Variants in SNX29 observed in about 807,000 individuals in gnomAD.
The protein encoded by SNX29 is sorting nexin-29.
A neutral mutation model predicts 102.1 loss-of-function variants in SNX29; 78 were observed. That is an observed-to-expected ratio of 0.76 (90% CI 0.64 to 0.92). SNX29 has a LOEUF of 0.92. Among genes scored for constraint, SNX29 ranks in the 40% least tolerant of loss-of-function variants. The probability of loss-of-function intolerance (pLI) is 0.00; values close to 1 mark genes in which losing one functional copy is unlikely to be tolerated. For missense variants in SNX29, 1,280 were observed against 1,061.7 expected (o/e 1.21, Z -2.86); for synonymous variants, 580 against 414.5 (o/e 1.40, Z -4.85).
intron 14 of SNX29, among the ~76,000 whole-genome samples, chr16:12,223,326 G>C (rs768141267): frequency 6.6e-6 from 1 of 152,162 alleles, no homozygotes; most frequent in South Asian, 2.1e-4. Context: ...AGGAGTTTGA[G>C]ACCATCGTGG....
At chr16:12,104,380 A>AC (rs2053144982) in intron 11 of SNX29, among the ~76,000 whole-genome samples, 1 of 152,092 alleles carries the variant, frequency 6.6e-6, no homozygotes, top group Non-Finnish European at 1.5e-5. Context: ...ACTTGGTGAA[A>AC]CCCCATCTCT....
intron 3 of SNX29, among the ~76,000 whole-genome samples, chr16:12,007,890 C>G (rs367718664): frequency 2.6e-5 from 4 of 152,352 alleles, no homozygotes; most frequent in African/African-American, 7.2e-5. Context: ...ATGCCCTGCT[C>G]TCTGATCCAG....
At chr16:12,566,957 A>G (rs1201896828) in intron 20 of SNX29, among the ~76,000 whole-genome samples, 1 of 152,258 alleles carries the variant, frequency 6.6e-6, no homozygotes, top group African/African-American at 2.4e-5. Flanking sequence ...ACTTGAAACG[A>G]GGGATCTCAC....
chr16:12,530,396 T>G (rs906138816), intron 20 of SNX29, among the ~76,000 whole-genome samples: 12 of 152,006 alleles, frequency 7.9e-5, no homozygotes, highest in Admixed American at 2.6e-4. Flanking sequence ...CCTAAAACAC[T>G]ACAGAAAGAA....
At chr16:12,078,750 C>G (rs1225080860) in intron 10 of SNX29, 83 bp from the exon 11 acceptor site, 2 of 1,210,876 alleles carry the variant, frequency 1.7e-6, no homozygotes, top group Non-Finnish European at 2.4e-6. Flanking sequence ...CCGGAGTAAA[C>G]CGACCTCTGC....
chr16:12,515,453 G>C (rs1253655550), intron 19 of SNX29: 1 of 477,420 alleles, frequency 2.1e-6, no homozygotes, highest in Non-Finnish European at 4.2e-6. Flanking sequence ...CCCTGAAATA[G>C]ATCAGTCAGC....
chr16:12,118,613 C>T (rs1360080387), intron 11 of SNX29, among the ~76,000 whole-genome samples: 1 of 151,910 alleles, frequency 6.6e-6, no homozygotes, highest in Non-Finnish European at 1.5e-5. Flanking sequence ...ACCGTGCCCG[C>T]CCTAGAGACC....
intron 19 of SNX29, among the ~76,000 whole-genome samples, chr16:12,514,831 C>G (rs2003801): frequency 0.012 from 1,853 of 151,602 alleles, 44 homozygotes; most frequent in African/African-American, 0.043. Flanking sequence ...TGCCACTGCA[C>G]TCTAGCCTGG....
chr16:12,107,216 G>C (rs2053291444), intron 11 of SNX29, among the ~76,000 whole-genome samples: 1 of 152,172 alleles, frequency 6.6e-6, no homozygotes, highest in African/African-American at 2.4e-5. Context: ...TATTCTGAGT[G>C]GTCACCTGGC....
chr16:12,543,299 C>A (rs1008618323), intron 20 of SNX29, among the ~76,000 whole-genome samples: 1 of 152,096 alleles, frequency 6.6e-6, no homozygotes, highest in Non-Finnish European at 1.5e-5. Flanking sequence ...GCCTGTGGCC[C>A]GGGGAATGGA....
chr16:12,224,046 C>A (rs1265310521), intron 14 of SNX29, among the ~76,000 whole-genome samples: 2 of 152,164 alleles, frequency 1.3e-5, no homozygotes, highest in Non-Finnish European at 2.9e-5. Flanking sequence ...CTACCTCTTG[C>A]CTTGCCCGTG....
At chr16:12,180,405 G>A (rs1444098778) in intron 13 of SNX29, among the ~76,000 whole-genome samples, 1 of 151,950 alleles carries the variant, frequency 6.6e-6, no homozygotes, top group African/African-American at 2.4e-5. Context: ...ATCTTTATCT[G>A]CAGCTATATT....
chr16:12,069,911 C>T (rs921765233), intron 10 of SNX29, among the ~76,000 whole-genome samples: 2 of 152,058 alleles, frequency 1.3e-5, no homozygotes, highest in Non-Finnish European at 2.9e-5. Flanking sequence ...ATCTCCTGAC[C>T]TCGTGATCCG....
At chr16:12,427,358 C>T (rs2085123847) in intron 18 of SNX29, among the ~76,000 whole-genome samples, 1 of 151,428 alleles carries the variant, frequency 6.6e-6, no homozygotes, top group African/African-American at 2.4e-5. Flanking sequence ...GATGTTTTAA[C>T]CTGCGTGAAT....
intron 9 of SNX29, among the ~76,000 whole-genome samples, chr16:12,067,708 G>A (rs529889122): frequency 3.3e-5 from 5 of 152,230 alleles, no homozygotes; most frequent in East Asian, 1.9e-4. Context: ...GGCTGGTCTC[G>A]AACTCCTGAC....
chr16:12,432,083 C>G (rs1444395641), intron 18 of SNX29, among the ~76,000 whole-genome samples: 1 of 152,180 alleles, frequency 6.6e-6, no homozygotes, highest in Non-Finnish European at 1.5e-5. Flanking sequence ...GGAAATAAGA[C>G]CTGGTGATGG....
chr16:12,555,628 C>G (rs561361317), intron 20 of SNX29, among the ~76,000 whole-genome samples: 8 of 147,576 alleles, frequency 5.4e-5, no homozygotes, highest in African/African-American at 1.3e-4. Context: ...CATGCCACAC[C>G]TGAGTAACCC....
intron 20 of SNX29, among the ~76,000 whole-genome samples, chr16:12,566,955 C>G (rs138776255): frequency 1.6e-4 from 25 of 152,330 alleles, no homozygotes; most frequent in African/African-American, 5.3e-4. Flanking sequence ...AAACTTGAAA[C>G]GAGGGATCTC....
At position 12,394,981 on chromosome 16, in the gene SNX29, G is replaced by T. The variant is rs543705468; in HGVS notation, c.1900-3465G>T. Among the ~76,000 whole-genome samples the T allele has an allele frequency of 2.0e-5, 3 of 152,206 alleles. No homozygotes were observed. The East Asian group carries it at 5.8e-4, about 29-fold the overall frequency. On this transcript the variant is annotated intron_variant, in intron 16 of 20. Transcript: ENST00000566228. ...TGAGGGTAGCTCCAATGACAGAAGG[G>T]TTCCCTGTTCATCTTTACCACCGCC...
Sources: allele counts gnomAD v4.1 joint callset (sites outside exome capture counted in the v4.1 genomes callset), GRCh38; gene constraint gnomAD v4.1.1; transcripts MANE v1.5; gene names NCBI Gene and HGNC (gene_info 2026-07-23, HGNC 2026-07-21).